Variants in UBE2H observed in about 807,000 individuals in gnomAD.
UBE2H encodes the protein ubiquitin conjugating enzyme E2 H, also known as ubiquitin-conjugating enzyme E2 H.
In UBE2H, 3 loss-of-function variants were observed where a neutral mutation model predicts 29.0. The observed-to-expected ratio is 0.10, with a 90% confidence interval of 0.05 to 0.27. UBE2H has a LOEUF of 0.27. Among genes scored for constraint, UBE2H ranks in the 10% least tolerant of loss-of-function variants. UBE2H has a pLI of 1.00. For missense variants in UBE2H, 68 were observed against 228.2 expected (o/e 0.30, Z 4.52); for synonymous variants, 69 against 82.9 (o/e 0.83, Z 0.91).
chr7:129,903,517 C>T (rs1267680186), intron 1 of UBE2H, among the ~76,000 whole-genome samples: 1 of 152,146 alleles, frequency 6.6e-6, no homozygotes, highest in Non-Finnish European at 1.5e-5. Flanking sequence ...AATCCCAACA[C>T]TTTAGGAGAC....
At chr7:129,839,450 C>T (rs1805387795) in intron 5 of UBE2H, 115 bp from the exon 6 acceptor site, 3 of 1,410,292 alleles carry the variant, frequency 2.1e-6, no homozygotes, top group Non-Finnish European at 2.9e-6. Flanking sequence ...GATGATTCTC[C>T]ATACGAGTGT....
chr7:129,948,983 C>T (rs1327279854), intron 1 of UBE2H: 2 of 456,948 alleles, frequency 4.4e-6, no homozygotes, highest in Admixed American at 4.7e-5. Context: ...GGTAGCTCCT[C>T]CCCTCCTCCT....
intron 3 of UBE2H, 149 bp from the exon 4 acceptor site, chr7:129,859,090 T>A (rs979469146): frequency 1.6e-6 from 1 of 633,844 alleles, no homozygotes; most frequent in African/African-American, 1.9e-5. Flanking sequence ...CTGATAAACA[T>A]TATATTCTCC....
chr7:129,847,713 T>C (rs1337815165), intron 5 of UBE2H, among the ~76,000 whole-genome samples: 1 of 152,236 alleles, frequency 6.6e-6, no homozygotes, highest in Non-Finnish European at 1.5e-5. Context: ...ACCAAATCCA[T>C]ATAACTGGTC....
At chr7:129,886,769 A>ATTTGGT (rs1563034479) in intron 1 of UBE2H, among the ~76,000 whole-genome samples, 3 of 86,848 alleles carry the variant, frequency 3.5e-5, no homozygotes, top group African/African-American at 1.4e-4. Context: ...TTTTTTGGTA[A>ATTTGGT]AAAAAAAAAA....
intron 1 of UBE2H, among the ~76,000 whole-genome samples, chr7:129,899,056 C>CTT (rs919690608): frequency 1.3e-5 from 2 of 152,240 alleles, no homozygotes; most frequent in Admixed American, 6.5e-5. Context: ...ATCTAAGCTC[C>CTT]TTTTTTTAGT....
At chr7:129,841,537 T>G (rs1805429580) in intron 5 of UBE2H, among the ~76,000 whole-genome samples, 1 of 152,240 alleles carries the variant, frequency 6.6e-6, no homozygotes, top group Non-Finnish European at 1.5e-5. Flanking sequence ...TTCAGTTTAT[T>G]TAATTCTAAT....
chr7:129,859,737 C>T (rs985697076), intron 3 of UBE2H, among the ~76,000 whole-genome samples: 7 of 152,174 alleles, frequency 4.6e-5, no homozygotes, highest in East Asian at 1.9e-4. Flanking sequence ...GATCCATTGT[C>T]AAAGGTGTCA....
In UBE2H at chr7:129,952,493, C is replaced by T. The variant is rs377299761; in HGVS notation, c.53+10G>A. The T allele has an allele frequency of 1.2e-6, 2 of 1,611,868 alleles. No individual in the cohort carries two copies. The highest frequency in any genetic ancestry group is 1.7e-6 in the Non-Finnish European group (2 of 1,178,730). Reference sequence around the variant, plus strand: ...CACACACAGCCCGAATTCCCCTCCACGAAGGATACAGCTTGACCACGTCCG... The same window carrying T: ...CACACACAGCCCGAATTCCCCTCCATGAAGGATACAGCTTGACCACGTCCG... On this transcript the variant is annotated intron_variant, in intron 1 of 6. Transcript: ENST00000355621.
chr7:129,944,748 A>ACG (rs1554441932), intron 1 of UBE2H, among the ~76,000 whole-genome samples: 3,884 of 140,036 alleles, frequency 0.028, 83 homozygotes, highest in African/African-American at 0.065. Flanking sequence ...ACACACACAC[A>ACG]CACGCACGCA....
chr7:129,913,575 T>C (rs1806983589), intron 1 of UBE2H, among the ~76,000 whole-genome samples: 1 of 151,342 alleles, frequency 6.6e-6, no homozygotes, highest in Non-Finnish European at 1.5e-5. Context: ...GTATGTTTCA[T>C]TCGAGCCCCT....
chr7:129,872,604 G>T (rs970893770), intron 3 of UBE2H, among the ~76,000 whole-genome samples: 1 of 151,966 alleles, frequency 6.6e-6, no homozygotes, highest in Non-Finnish European at 1.5e-5. Flanking sequence ...CACTGTGGGA[G>T]GCCAAGGTGG....
At chr7:129,896,704 C>T (rs1027054903) in intron 1 of UBE2H, among the ~76,000 whole-genome samples, 2 of 152,116 alleles carry the variant, frequency 1.3e-5, no homozygotes, top group African/African-American at 4.8e-5. Flanking sequence ...CTTGCCTGGC[C>T]CTTTTCTGTT....
chr7:129,942,212 CAAA>C (rs966117564), intron 1 of UBE2H, among the ~76,000 whole-genome samples: 1 of 36,746 alleles, frequency 2.7e-5, no homozygotes, highest in Non-Finnish European at 4.9e-5. Context: ...GACTCGGTCT[CAAA>C]AAAAAAAAAA....
At chr7:129,906,859 C>T (rs572475348) in intron 1 of UBE2H, among the ~76,000 whole-genome samples, 1 of 152,074 alleles carries the variant, frequency 6.6e-6, no homozygotes, top group African/African-American at 2.4e-5. Flanking sequence ...ACGCTTAATC[C>T]GTGCCAAAAG....
At chr7:129,867,699 T>TAAAAAAAAAAAAAAAAAAGAAAAAA (rs1805934341) in intron 3 of UBE2H, among the ~76,000 whole-genome samples, 12 of 29,598 alleles carry the variant, frequency 4.1e-4, no homozygotes, top group South Asian at 1.3e-3. Flanking sequence ...TAGAGTATAA[T>TAAAAAAAAAAAAAAAAAAGAAAAAA]AAAAAAAAAA....
At chr7:129,884,031 G>A (rs1806307535) in intron 1 of UBE2H, among the ~76,000 whole-genome samples, 2 of 151,912 alleles carry the variant, frequency 1.3e-5, no homozygotes, top group South Asian at 2.1e-4. Context: ...AGGAGGCAGA[G>A]GTTGCAGTGA....
At chr7:129,922,329 A>G (rs1281220681) in intron 1 of UBE2H, among the ~76,000 whole-genome samples, 3 of 151,638 alleles carry the variant, frequency 2.0e-5, no homozygotes, top group Non-Finnish European at 2.9e-5. Context: ...TCTGGCACCC[A>G]GGCTGGAATG....
In UBE2H at chr7:129,886,767, TAAAAA is replaced by T. The variant is rs79067201; in HGVS notation, c.54-5801_54-5797del. On this transcript the variant is annotated intron_variant, in intron 1 of 6. Coordinates refer to ENST00000355621, the MANE Select transcript of UBE2H (RefSeq NM_003344.4). ...CACTACCTGGTTTTTTGTTTTTTGG[TAAAAA>T]AAAAAAAAAAAAAAAAAAAAAGATA... is the stretch of plus-strand genomic sequence containing the variant. 1.8e-4 allele frequency among the ~76,000 whole-genome samples: 13 copies of T among 72,060 alleles called. No homozygotes were observed. In the South Asian group the frequency reaches 2.6e-3, roughly 15 times the overall value. 47.3% of individuals were successfully genotyped at this position (72,060 alleles called of 152,430 possible).
Sources: allele counts gnomAD v4.1 joint callset (sites outside exome capture counted in the v4.1 genomes callset), GRCh38; gene constraint gnomAD v4.1.1; transcripts MANE v1.5; gene names NCBI Gene and HGNC (gene_info 2026-07-23, HGNC 2026-07-21).